The following ANKFY1 variants were observed in gnomAD, a reference collection of about 807,000 sequenced individuals.
ANKFY1 encodes ankyrin repeat and FYVE domain-containing protein 1.
In ANKFY1, 47 loss-of-function variants were observed where a neutral mutation model predicts 128.3. That is an observed-to-expected ratio of 0.37 (90% CI 0.29 to 0.47). ANKFY1 has a LOEUF of 0.47. Ranked by LOEUF, ANKFY1 falls within the 20% of genes least tolerant of loss-of-function variation. ANKFY1 has a pLI of 1.00. For missense variants in ANKFY1, 1,222 were observed against 1,510.6 expected, an observed-to-expected ratio of 0.81 and a Z score of 3.17; for synonymous variants, 553 against 601.6, an observed-to-expected ratio of 0.92 and a Z score of 1.18.
chr17:4,228,792 C>T (rs2060467718), intron 3 of ANKFY1, among the ~76,000 whole-genome samples: 1 of 152,160 alleles, frequency 6.6e-6, no homozygotes, highest in South Asian at 2.1e-4. Context: ...TCCAATTGCA[C>T]ACTTTTAATG....
Position 4,167,817 on chromosome 17 carries a change from T to C in ANKFY1, c.3472A>G (p.Ile1158Val), listed in dbSNP as rs1350501079. 6 of 1,613,682 alleles carry C rather than the reference T, an allele frequency of 3.7e-6. No individual in the cohort carries two copies. Among genetic ancestry groups the C allele is most frequent in the African/African-American group, 1.3e-5 (1 of 74,876 alleles). Residue 1158 changes from isoleucine to valine, a missense_variant, in exon 25 of 25, where the codon ATT becomes GTT. Ile to Val is a conservative substitution (Grantham distance 29). Transcript: ENST00000341657. This position sits in a 1 kb window ranked among gnomAD's most constrained non-coding sequence, Gnocchi z 4.1. ...DLNKPVRVCNICFDVLTLGGV... is the reference protein window; with the variant it reads ...DLNKPVRVCNVCFDVLTLGGV... ...CCCAGAGTCAGTACATCAAAACAAA[T>C]GTTGCAAACCCGCACAGGCTTGTTC...
chr17:4,206,539 T>A (rs2060028732), intron 6 of ANKFY1, 53 bp from the exon 7 acceptor site: 2 of 1,531,022 alleles, frequency 1.3e-6, no homozygotes. Flanking sequence ...ATACGACCTA[T>A]TTTAATTTCT....
At chr17:4,263,889 A>T in intron 1 of ANKFY1, 43 bp downstream of exon 1, 1 of 1,613,432 alleles carries the variant, frequency 6.2e-7, no homozygotes, top group East Asian at 2.2e-5. Flanking sequence ...CAGCGCCCCC[A>T]CAGCTCCGTG....
chr17:4,194,968 C>A lies in ANKFY1; in HGVS notation c.1372+10G>T, dbSNP rs370131258. The A allele has an allele frequency of 6.2e-7, 1 of 1,614,196 alleles. No individual in the cohort carries two copies. The highest frequency in any genetic ancestry group is 8.5e-7 in the Non-Finnish European group (1 of 1,180,036). On this transcript the variant is annotated intron_variant, in intron 10 of 24. Coordinates refer to ENST00000341657, the MANE Select transcript of ANKFY1 (RefSeq NM_001330063.2). ...CCCAGCGTCGCCCCTTCGGGAGGCA[C>A]GTGCTTTACCTGTCGCCGTGTCAGG...
rs1276216131 is a variant in ANKFY1 at position 4,169,398 on chromosome 17, C to T, written c.3287-110G>A. On this transcript the variant is annotated intron_variant, in intron 23 of 24. Coordinates refer to ENST00000341657, the MANE Select transcript of ANKFY1 (RefSeq NM_001330063.2). The surrounding 1 kb of genome is among the most constrained non-coding windows in gnomAD (Gnocchi z 5.0). ...ACCCGTAAGTGAGGCAGCGCTGCCA[C>T]ATGACATAGGTGACGAAGGAGCGAT... 1.3e-6 allele frequency: 1 copy of T among 782,318 alleles called. No homozygotes were observed. Among genetic ancestry groups the T allele is most frequent in the East Asian group, 2.7e-5 (1 of 36,826 alleles). 48.5% of individuals were successfully genotyped at this position (782,318 alleles called of 1,614,324 possible). A position where few individuals can be genotyped will look rare whatever the true frequency, so the allele number is the denominator to read the frequency against.
intron 22 of ANKFY1, among the ~76,000 whole-genome samples, chr17:4,171,708 G>A (rs753636803): frequency 9.2e-5 from 14 of 152,252 alleles, no homozygotes; most frequent in East Asian, 1.9e-4. Context: ...TCCCAGGGGC[G>A]GACTCCTCTG....
chr17:4,210,949 T>G (rs188350055), intron 4 of ANKFY1, among the ~76,000 whole-genome samples: 29 of 151,820 alleles, frequency 1.9e-4, no homozygotes, highest in African/African-American at 7.0e-4. Context: ...GGAGAATTGC[T>G]TGAACCCAGG....
intron 17 of ANKFY1, 94 bp downstream of exon 17, chr17:4,179,627 G>A: frequency 6.7e-7 from 1 of 1,486,196 alleles, no homozygotes; most frequent in Admixed American, 2.1e-5. Context: ...AGCAGCGCCT[G>A]GAACTGGGGA....
chr17:4,169,022 C>CA lies in ANKFY1; in HGVS notation c.3377+175dup. Reference sequence around the variant, plus strand: ...GTCTGCAGGCTCCCTGCCTTCCCTACATCTCTGTTCCTCAGTAGGATCCTT... The same window carrying CA: ...GTCTGCAGGCTCCCTGCCTTCCCTACAATCTCTGTTCCTCAGTAGGATCCTT... On this transcript the variant is annotated intron_variant, in intron 24 of 24. Transcript: ENST00000341657. The surrounding 1 kb of genome is among the most constrained non-coding windows in gnomAD (Gnocchi z 5.0). 1 of 582,546 alleles carries CA rather than the reference C, an allele frequency of 1.7e-6. No homozygotes were observed. 36.1% of individuals were successfully genotyped at this position (582,546 alleles called of 1,614,324 possible). A position where few individuals can be genotyped will look rare whatever the true frequency, so the allele number is the denominator to read the frequency against.
intron 2 of ANKFY1, among the ~76,000 whole-genome samples, chr17:4,238,322 C>T (rs1055213996): frequency 2.6e-5 from 4 of 152,040 alleles, no homozygotes; most frequent in Non-Finnish European, 5.9e-5. Flanking sequence ...TTTTCCCCTA[C>T]GTTGGTAAAA....
intron 3 of ANKFY1, among the ~76,000 whole-genome samples, chr17:4,230,241 G>C (rs1484564932): frequency 6.6e-6 from 1 of 152,212 alleles, no homozygotes; most frequent in East Asian, 1.9e-4. Flanking sequence ...TTCCCAACCA[G>C]AGTGAAAAGG....
intron 21 of ANKFY1, among the ~76,000 whole-genome samples, chr17:4,172,928 C>T (rs867954754): frequency 6.6e-6 from 1 of 152,196 alleles, no homozygotes; most frequent in Non-Finnish European, 1.5e-5. Context: ...GGCGCGATCT[C>T]GGCTCACTGC....
At chr17:4,256,406 C>T (rs894332668) in intron 1 of ANKFY1, among the ~76,000 whole-genome samples, 2 of 151,962 alleles carry the variant, frequency 1.3e-5, no homozygotes, top group African/African-American at 4.8e-5. Context: ...CCAGCCTGGG[C>T]AATAGAGCGA....
intron 3 of ANKFY1, among the ~76,000 whole-genome samples, chr17:4,220,190 GATTT>G (rs2060286236): frequency 6.6e-6 from 1 of 152,320 alleles, no homozygotes; most frequent in East Asian, 1.9e-4. Flanking sequence ...AAACTAATTA[GATTT>G]ATTTAAACAA....
intron 1 of ANKFY1, 137 bp downstream of exon 1, chr17:4,263,795 T>C: frequency 1.2e-6 from 2 of 1,601,278 alleles, no homozygotes; most frequent in Non-Finnish European, 1.7e-6. Flanking sequence ...CCGGAGAGGC[T>C]AGACAGGAAG....
At position 4,169,322 on chromosome 17, in the gene ANKFY1, A is replaced by T; in HGVS notation, c.3287-34T>A. 6.6e-7 allele frequency: 1 copy of T among 1,505,292 alleles called. No homozygotes were observed. Among genetic ancestry groups the T allele is most frequent in the Non-Finnish European group, 9.0e-7 (1 of 1,108,636 alleles). The allele number at this position is 1,505,292 out of a possible 1,614,324, so 93.2% of individuals were successfully genotyped here. On this transcript the variant is annotated intron_variant, in intron 23 of 24. Transcript: ENST00000341657. The surrounding 1 kb of genome is among the most constrained non-coding windows in gnomAD (Gnocchi z 5.0). ...CAGGGGGGAGGCCCGGTCCCGTCAAACCGCGACGGCGCCACGCAAGCCCCA... is the reference window on the plus strand; with the variant it reads ...CAGGGGGGAGGCCCGGTCCCGTCAATCCGCGACGGCGCCACGCAAGCCCCA...
rs374502871 is a variant in ANKFY1, at chr17:4,167,856, T to C, written c.3433A>G (p.Ile1145Val). 90 of 1,613,872 alleles carry C rather than the reference T, an allele frequency of 5.6e-5. No individual in the cohort carries two copies. The highest frequency in any genetic ancestry group is 6.9e-5 in the Non-Finnish European group (82 of 1,179,960). ...ACAGGCTTGTTCAGATCAAACTTTA[T>C]AATAGGAATCTCCTTGGTCGAGCAT... ...HKCSTKEIPI[I>V]KFDLNKPVRV... The change falls in exon 25 of 25, where the codon ATA becomes GTA. Residue 1145 changes from isoleucine (I) to valine (V), a missense_variant. Ile to Val is a conservative substitution (Grantham distance 29). Transcript: ENST00000341657. This position sits in a 1 kb window ranked among gnomAD's most constrained non-coding sequence, Gnocchi z 4.1.
At chr17:4,235,701 G>T in intron 3 of ANKFY1, 71 bp downstream of exon 3, 1 of 1,019,586 alleles carries the variant, frequency 9.8e-7, no homozygotes, top group Non-Finnish European at 1.5e-6. Context: ...ATTTCAAAAT[G>T]AGACACCACA....
intron 3 of ANKFY1, among the ~76,000 whole-genome samples, chr17:4,225,611 A>T (rs1033450830): frequency 2.6e-5 from 4 of 152,170 alleles, no homozygotes; most frequent in African/African-American, 9.7e-5. Flanking sequence ...AAAATTCTGG[A>T]CAGAGTACAA....
Sources: gnomAD v4.1 joint callset for allele counts (sites outside exome capture counted in the v4.1 genomes callset) on GRCh38, gnomAD v4.1.1 for gene constraint, Gnocchi (gnomAD v3.1) non-coding constraint, MANE v1.5 for transcripts, NCBI Gene and HGNC (gene_info 2026-07-23, HGNC 2026-07-21) for gene names.